The following FGF14 variants were observed in gnomAD, a reference collection of about 807,000 sequenced individuals.
FGF14 encodes the protein fibroblast growth factor homologous factor 4.
FGF14 carries 5 observed loss-of-function variants against 25.5 expected under a neutral mutation model. That is an observed-to-expected ratio of 0.20 (90% CI 0.10 to 0.41). FGF14 has a LOEUF of 0.41. Among genes scored for constraint, FGF14 ranks in the 10% least tolerant of loss-of-function variants. FGF14 has a pLI of 1.00. For missense variants in FGF14, 222 were observed against 320.1 expected (o/e 0.69, Z 2.34); for synonymous variants, 138 against 118.3 (o/e 1.17, Z -1.08).
chr13:102,153,129 A>G (rs2047162182), intron 1 of FGF14, among the ~76,000 whole-genome samples: 1 of 152,182 alleles, frequency 6.6e-6, no homozygotes, highest in Non-Finnish European at 1.5e-5. Context: ...AATAGGACAG[A>G]GCTTTTGTAG....
intron 1 of FGF14, among the ~76,000 whole-genome samples, chr13:101,878,040 C>T (rs890954634): frequency 2.0e-5 from 3 of 152,158 alleles, no homozygotes; most frequent in African/African-American, 7.2e-5. Context: ...TATGCAGTGA[C>T]TCTTCACCAT....
intron 1 of FGF14, among the ~76,000 whole-genome samples, chr13:102,349,508 T>C (rs919446552): frequency 6.6e-6 from 1 of 152,224 alleles, no homozygotes; most frequent in Non-Finnish European, 1.5e-5. Flanking sequence ...GTTTTCTGAT[T>C]TGAACGTGTT....
At chr13:101,974,762 T>C (rs919868278) in intron 1 of FGF14, among the ~76,000 whole-genome samples, 2 of 152,164 alleles carry the variant, frequency 1.3e-5, no homozygotes, top group Non-Finnish European at 2.9e-5. Flanking sequence ...CCACAGGTAG[T>C]ACAAAAAGAA....
In FGF14 at chr13:101,825,710, T is replaced by C. The variant is rs933609662; in HGVS notation, c.408+43015A>G. 4.6e-5 allele frequency among the ~76,000 whole-genome samples: 7 copies of C among 152,298 alleles called. No homozygotes were observed. The East Asian group carries it at 1.4e-3, about 29-fold the overall frequency. The stretch of plus-strand genomic sequence containing the variant: ...AAAATCTAAATAAATATTTATCCAT[T>C]ATTTACAAAACCTAAAGTAGATGGG... On this transcript the variant is annotated intron_variant, in intron 3 of 4. Coordinates refer to ENST00000376143, the MANE Select transcript of FGF14 (RefSeq NM_004115.4).
chr13:102,236,556 C>T (rs1255180289), intron 1 of FGF14, among the ~76,000 whole-genome samples: 2 of 152,116 alleles, frequency 1.3e-5, no homozygotes, highest in East Asian at 3.9e-4. Flanking sequence ...GGAAGCCAAA[C>T]AGTACAAGTG....
chr13:101,970,272 A>T (rs112932380), intron 1 of FGF14, among the ~76,000 whole-genome samples: 2,377 of 75,962 alleles, frequency 0.031, 67 homozygotes, highest in African/African-American at 0.1. Context: ...ACATTTATTC[A>T]ATTCAATTTA....
intron 3 of FGF14, among the ~76,000 whole-genome samples, chr13:101,857,211 AAAT>A (rs1235850066): frequency 6.6e-6 from 1 of 152,030 alleles, no homozygotes; most frequent in Non-Finnish European, 1.5e-5. Context: ...GATTTCTGCT[AAAT>A]AATAGATAGG....
chr13:102,198,811 A>G (rs75727136), intron 1 of FGF14, among the ~76,000 whole-genome samples: 3,519 of 152,264 alleles, frequency 0.023, 144 homozygotes, highest in African/African-American at 0.081. Context: ...ATTTTATTCA[A>G]TGCCTTCCTC....
intron 3 of FGF14, among the ~76,000 whole-genome samples, chr13:101,747,645 G>C (rs746347056): frequency 6.6e-6 from 1 of 152,100 alleles, no homozygotes; most frequent in African/African-American, 2.4e-5. Context: ...AAATCACAAT[G>C]AGATATCATC....
intron 1 of FGF14, among the ~76,000 whole-genome samples, chr13:102,273,947 A>C (rs1224782415): frequency 6.6e-6 from 1 of 150,952 alleles, no homozygotes; most frequent in Non-Finnish European, 1.5e-5. Flanking sequence ...CCTGTCTCAA[A>C]AAAAAAAAAA....
chr13:102,222,103 A>C (rs2050638916), intron 1 of FGF14, among the ~76,000 whole-genome samples: 1 of 152,176 alleles, frequency 6.6e-6, no homozygotes, highest in Non-Finnish European at 1.5e-5. Flanking sequence ...GAGACTATGA[A>C]GCTCAGTCTC....
At chr13:102,347,269 C>A (rs1208351833) in intron 1 of FGF14, among the ~76,000 whole-genome samples, 3 of 152,164 alleles carry the variant, frequency 2.0e-5, no homozygotes, top group Non-Finnish European at 4.4e-5. Flanking sequence ...ACTCAAGAGA[C>A]AATCACTGCC....
chr13:101,935,857 C>T (rs1046317550), intron 1 of FGF14, among the ~76,000 whole-genome samples: 4 of 152,136 alleles, frequency 2.6e-5, no homozygotes, highest in African/African-American at 4.8e-5. Flanking sequence ...ATCTAGCTAC[C>T]GTGACTGATT....
intron 1 of FGF14, among the ~76,000 whole-genome samples, chr13:102,156,212 G>A (rs372386657): frequency 6.6e-6 from 1 of 152,076 alleles, no homozygotes; most frequent in African/African-American, 2.4e-5. Context: ...ACAAAAAAAA[G>A]AGAATTTTAG....
Position 102,260,944 on chromosome 13 carries a change from C to T in FGF14, c.208+140527G>A, listed in dbSNP as rs774759101. 9.2e-5 allele frequency among the ~76,000 whole-genome samples: 14 copies of T among 152,128 alleles called. 1 individual carries two copies. Among genetic ancestry groups the T allele is most frequent in the Non-Finnish European group, 2.1e-4 (14 of 68,030 alleles). On this transcript the variant is annotated intron_variant, in intron 1 of 4. Transcript: ENST00000376131. ...TCCAGAGAGGTACTCCCATTGTGCC[C>T]GCTATTGTGACTGCCTCTTTCCCTG...
intron 1 of FGF14, among the ~76,000 whole-genome samples, chr13:101,908,327 T>C (rs1266142418): frequency 1.3e-5 from 2 of 152,184 alleles, no homozygotes; most frequent in African/African-American, 2.4e-5. Context: ...TTCAAAGCTA[T>C]GCAAGCTTTT....
At chr13:102,395,258 T>A (rs1204966663) in intron 1 of FGF14, 5 of 152,186 alleles carry the variant, frequency 3.3e-5, no homozygotes, top group African/African-American at 9.7e-5. Flanking sequence ...AATGTCTTCC[T>A]TGTTAAGAAG....
chr13:102,051,188 C>T (rs1170160477), intron 1 of FGF14, among the ~76,000 whole-genome samples: 2 of 152,162 alleles, frequency 1.3e-5, no homozygotes, highest in East Asian at 1.9e-4. Flanking sequence ...ATTACATGTG[C>T]CCATGTTCCA....
intron 1 of FGF14, among the ~76,000 whole-genome samples, chr13:102,152,696 C>T (rs1007107148): frequency 2.0e-5 from 3 of 152,166 alleles, no homozygotes; most frequent in Admixed American, 6.5e-5. Flanking sequence ...AATGCCCAAA[C>T]AGAAAGATCT....
Sources: gnomAD v4.1 joint callset for allele counts (sites outside exome capture counted in the v4.1 genomes callset) on GRCh38, gnomAD v4.1.1 for gene constraint, MANE v1.5 for transcripts, NCBI Gene and HGNC (gene_info 2026-07-23, HGNC 2026-07-21) for gene names.